The following RAP1GDS1 variants were observed in gnomAD, a reference collection of about 807,000 sequenced individuals.
RAP1GDS1 encodes the protein RAP1, GTP-GDP dissociation stimulator 1.
A neutral mutation model predicts 71.1 loss-of-function variants in RAP1GDS1; 35 were observed. That is an observed-to-expected ratio of 0.49 (90% confidence interval 0.38 to 0.65). The LOEUF (loss-of-function observed/expected upper bound fraction) is 0.65, where lower values mean the gene tolerates loss of function less well. Ranked by LOEUF, RAP1GDS1 falls within the 30% of genes least tolerant of loss-of-function variation. The pLI, the probability that RAP1GDS1 is intolerant of heterozygous loss-of-function variation, is 0.00. For missense variants in RAP1GDS1, 663 were observed against 706.1 expected (o/e 0.94, Z 0.69); for synonymous variants, 229 against 243.1 (o/e 0.94, Z 0.54).
chr4:98,310,738 A>T (rs1443625198), intron 2 of RAP1GDS1, among the ~76,000 whole-genome samples: 1 of 152,180 alleles, frequency 6.6e-6, no homozygotes. Flanking sequence ...CCACCAAGCC[A>T]CATATGGTTA....
chr4:98,268,465 A>G (rs1026566125), intron 1 of RAP1GDS1, among the ~76,000 whole-genome samples: 12 of 152,184 alleles, frequency 7.9e-5, no homozygotes, highest in Admixed American at 4.6e-4. Context: ...AAGTCCTAGC[A>G]GAGCAAATAG....
rs190011469 is a variant in RAP1GDS1, at chr4:98,290,938, A to G, written c.5-2470A>G. On this transcript the variant is annotated intron_variant, in intron 1 of 14. Transcript: ENST00000408927. Reference sequence around the variant, plus strand: ...AGGCTCTGTGCACAACTGGGGTCACACTAATATTAAAGGGGCAGATAGAGA... The same window carrying G: ...AGGCTCTGTGCACAACTGGGGTCACGCTAATATTAAAGGGGCAGATAGAGA... 1.1e-4 allele frequency among the ~76,000 whole-genome samples: 16 copies of G among 152,276 alleles called. No individual in the cohort carries two copies. The East Asian group carries it at 2.9e-3, about 28-fold the overall frequency.
intron 2 of RAP1GDS1, among the ~76,000 whole-genome samples, chr4:98,331,720 A>T (rs1170263183): frequency 6.6e-6 from 1 of 152,192 alleles, no homozygotes; most frequent in East Asian, 1.9e-4. Flanking sequence ...TGAGAGATAC[A>T]TTCTTTGATG....
At chr4:98,278,780 A>T (rs1724606108) in intron 1 of RAP1GDS1, among the ~76,000 whole-genome samples, 1 of 152,196 alleles carries the variant, frequency 6.6e-6, no homozygotes, top group African/African-American at 2.4e-5. Context: ...TAATATGGAA[A>T]CTTTCAAGCT....
At chr4:98,401,494 A>G (rs28459325) in intron 6 of RAP1GDS1, among the ~76,000 whole-genome samples, 8,645 of 152,284 alleles carry the variant, frequency 0.057, 622 homozygotes, top group African/African-American at 0.17. Context: ...TTTAGATAAT[A>G]CGTAAGTAAA....
chr4:98,305,282 A>T (rs60470511), intron 2 of RAP1GDS1, among the ~76,000 whole-genome samples: 1 of 152,060 alleles, frequency 6.6e-6, no homozygotes, highest in Non-Finnish European at 1.5e-5. Flanking sequence ...TTTCATGCTA[A>T]TTGATTCTTC....
At chr4:98,333,044 A>G (rs1734216679) in intron 2 of RAP1GDS1, among the ~76,000 whole-genome samples, 1 of 152,074 alleles carries the variant, frequency 6.6e-6, no homozygotes, top group Non-Finnish European at 1.5e-5. Flanking sequence ...ATTTACCACA[A>G]GATTCTTTCT....
At chr4:98,400,252 A>G (rs1211270736) in intron 6 of RAP1GDS1, among the ~76,000 whole-genome samples, 2 of 152,080 alleles carry the variant, frequency 1.3e-5, no homozygotes, top group African/African-American at 4.8e-5. Context: ...TTGAAGAAAC[A>G]TTACACACCC....
intron 5 of RAP1GDS1, among the ~76,000 whole-genome samples, chr4:98,381,033 G>A (rs1290440284): frequency 6.6e-6 from 1 of 151,586 alleles, no homozygotes; most frequent in East Asian, 1.9e-4. Context: ...AGTGTTCTGA[G>A]AAAGAAGATT....
At chr4:98,383,733 A>G (rs1016381922) in intron 5 of RAP1GDS1, among the ~76,000 whole-genome samples, 5 of 151,606 alleles carry the variant, frequency 3.3e-5, no homozygotes, top group South Asian at 2.1e-4. Context: ...CATATTAAAG[A>G]TTATTTAATG....
intron 9 of RAP1GDS1, among the ~76,000 whole-genome samples, chr4:98,418,424 G>A (rs890252949): frequency 6.6e-6 from 1 of 152,052 alleles, no homozygotes; most frequent in Non-Finnish European, 1.5e-5. Flanking sequence ...CTAAACTAAA[G>A]ATTTTTCTGG....
At chr4:98,413,951 G>A (rs2110175666) in intron 7 of RAP1GDS1, among the ~76,000 whole-genome samples, 1 of 152,234 alleles carries the variant, frequency 6.6e-6, no homozygotes, top group East Asian at 1.9e-4. Context: ...GTTTTGATTT[G>A]CATTTCTCTG....
chr4:98,297,572 GT>G (rs1727963286), intron 2 of RAP1GDS1, among the ~76,000 whole-genome samples: 1 of 152,096 alleles, frequency 6.6e-6, no homozygotes, highest in South Asian at 2.1e-4. Flanking sequence ...TATTGTGATT[GT>G]TTTGGGGTGC....
At chr4:98,409,294 T>G (rs1746647580) in intron 7 of RAP1GDS1, 1 of 152,364 alleles carries the variant, frequency 6.6e-6, no homozygotes, top group Non-Finnish European at 1.5e-5. Context: ...AACAAAATAA[T>G]GAACACAAAG....
intron 4 of RAP1GDS1, among the ~76,000 whole-genome samples, chr4:98,372,224 G>A (rs1240940974): frequency 3.3e-5 from 5 of 151,988 alleles, no homozygotes; most frequent in Non-Finnish European, 7.4e-5. Context: ...GTGCTGTGGC[G>A]CGATCTCGGC....
At chr4:98,312,594 C>T (rs938045120) in intron 2 of RAP1GDS1, among the ~76,000 whole-genome samples, 1 of 151,928 alleles carries the variant, frequency 6.6e-6, no homozygotes, top group South Asian at 2.1e-4. Context: ...ACTTGGAAAT[C>T]TTTGTTGGGA....
chr4:98,264,320 C>T (rs936737054), intron 1 of RAP1GDS1, among the ~76,000 whole-genome samples: 9 of 151,880 alleles, frequency 5.9e-5, no homozygotes, highest in East Asian at 1.9e-4. Flanking sequence ...CACTTGAACC[C>T]GGGAGGCGGA....
intron 6 of RAP1GDS1, among the ~76,000 whole-genome samples, chr4:98,404,233 TTTG>T (rs1417993156): frequency 2.0e-5 from 3 of 152,176 alleles, no homozygotes; most frequent in East Asian, 1.9e-4. Context: ...ACTTAGTAAT[TTTG>T]TTGTTGCTGT....
chr4:98,441,783 A>AATT (rs1561027237), intron 14 of RAP1GDS1: 3 of 575,086 alleles, frequency 5.2e-6, no homozygotes, highest in Non-Finnish European at 6.6e-6. Flanking sequence ...TTTTTCCTTT[A>AATT]ATTTAAAAAA....
Sources: allele counts gnomAD v4.1 joint callset (sites outside exome capture counted in the v4.1 genomes callset), GRCh38; gene constraint gnomAD v4.1.1; transcripts MANE v1.5; gene names NCBI Gene and HGNC (gene_info 2026-07-23, HGNC 2026-07-21).